The following TCERG1 variants were observed in gnomAD, a reference collection of about 807,000 sequenced individuals.
The protein encoded by TCERG1 is transcription elongation regulator 1, also known as TATA box binding protein (TBP)-associated factor, RNA polymerase II, S, 150kD.
TCERG1 carries 37 observed loss-of-function variants against 144.7 expected under a neutral mutation model. That is an observed-to-expected ratio of 0.26 (90% CI 0.20 to 0.34). The LOEUF (loss-of-function observed/expected upper bound fraction) is 0.34. TCERG1 is among the 10% of genes least tolerant of loss of function. The pLI, the probability that TCERG1 is intolerant of heterozygous loss-of-function variation, is 1.00. For synonymous variants in TCERG1, 492 were observed against 458.2 expected, an observed-to-expected ratio of 1.07 and a Z score of -0.94; for missense variants, 1,027 against 1,380.7, an observed-to-expected ratio of 0.74 and a Z score of 4.06.
chr5:146,504,173 A>C (rs1767732924), intron 19 of TCERG1, 167 bp downstream of exon 19: 1 of 628,104 alleles, frequency 1.6e-6, no homozygotes, highest in Admixed American at 4.3e-5. Context: ...TAGTATAGGA[A>C]AAAACCCAAG....
intron 19 of TCERG1, 133 bp from the exon 20 acceptor site, chr5:146,506,895 T>C: frequency 1.1e-5 from 7 of 630,252 alleles, no homozygotes; most frequent in Non-Finnish European, 1.8e-5. Flanking sequence ...TCTTTATCCA[T>C]GTATCTGTTG....
At chr5:146,485,776 C>A (rs914989376) in intron 15 of TCERG1, among the ~76,000 whole-genome samples, 1 of 152,160 alleles carries the variant, frequency 6.6e-6, no homozygotes, top group Non-Finnish European at 1.5e-5. Flanking sequence ...TTACTGCAGC[C>A]TCTGCCTCTC....
At chr5:146,509,355 A>T in intron 22 of TCERG1, 110 bp downstream of exon 22, 1 of 705,896 alleles carries the variant, frequency 1.4e-6, no homozygotes, top group Non-Finnish European at 2.3e-6. Flanking sequence ...ATTAATTTTT[A>T]GGGATAAGAA....
At chr5:146,448,881 G>A (rs1186503503) in intron 1 of TCERG1, among the ~76,000 whole-genome samples, 1 of 152,052 alleles carries the variant, frequency 6.6e-6, no homozygotes, top group Non-Finnish European at 1.5e-5. Context: ...GGATTTATTA[G>A]GGAACATTCT....
At chr5:146,461,691 A>G (rs1008988810) in intron 4 of TCERG1, among the ~76,000 whole-genome samples, 1 of 152,158 alleles carries the variant, frequency 6.6e-6, no homozygotes, top group African/African-American at 2.4e-5. Flanking sequence ...TTTGGATCAC[A>G]ATTTTAGCAA....
At chr5:146,458,212 G>A (rs1321771046) in intron 3 of TCERG1, among the ~76,000 whole-genome samples, 1 of 151,338 alleles carries the variant, frequency 6.6e-6, no homozygotes, top group African/African-American at 2.4e-5. Context: ...GTCTCGTGCT[G>A]TCACCCAGCC....
chr5:146,474,763 A>C (rs1459403255), intron 9 of TCERG1, among the ~76,000 whole-genome samples: 2 of 152,240 alleles, frequency 1.3e-5, no homozygotes, highest in Non-Finnish European at 2.9e-5. Context: ...GAAAGCTCAG[A>C]TGATAGCATT....
At chr5:146,491,600 G>T (rs1190867967) in intron 15 of TCERG1, among the ~76,000 whole-genome samples, 11 of 152,146 alleles carry the variant, frequency 7.2e-5, no homozygotes, top group Non-Finnish European at 2.9e-5. Flanking sequence ...AGATCTCTCT[G>T]CTTCGGATCT....
chr5:146,479,533 T>C (rs1425912293), intron 10 of TCERG1, among the ~76,000 whole-genome samples: 1 of 152,186 alleles, frequency 6.6e-6, no homozygotes, highest in African/African-American at 2.4e-5. Context: ...TTTTCGTGAA[T>C]TTGTTTTTAA....
At position 146,478,637 on chromosome 5, in the gene TCERG1, G is replaced by A. The variant is rs1258642107; in HGVS notation, c.1746G>A (p.Glu582=). ...AGCCCCCTCATAAAAAAGGAATGGA[G>A]GAATTGAAGAAACTAAGTAAGTTTT... ...IQEPPHKKGM[E]ELKKLRHPTP... is the part of the protein sequence containing the mutation. The change falls in exon 10 of 23, where the codon GAG becomes GAA. Residue 582 remains glutamate, a synonymous_variant. Transcript: ENST00000679501. 1.9e-6 allele frequency: 3 copies of A among 1,586,050 alleles called. No individual in the cohort carries two copies. The highest frequency in any genetic ancestry group is 2.6e-6 in the Non-Finnish European group (3 of 1,171,666).
In TCERG1 at chr5:146,510,804, T is replaced by C; in HGVS notation, c.*162T>C. The C allele has an allele frequency of 1.7e-6, 1 of 583,168 alleles. No homozygotes were observed. 36.1% of individuals were successfully genotyped at this position (583,168 alleles called of 1,614,324 possible). ...TTCTGAACAGAACACTTTGGAAATA[T>C]TTATGCTTTTCTTTGTGTGGCATGA... is the stretch of plus-strand genomic sequence containing the variant. On this transcript the variant is annotated 3_prime_UTR_variant, in exon 23 of 23. Coordinates refer to ENST00000679501, the MANE Select transcript of TCERG1 (RefSeq NM_001382548.1).
At position 146,510,409 on chromosome 5, in the gene TCERG1, A is replaced by G. The variant is rs779520712; in HGVS notation, c.3147-32A>G. The G allele has an allele frequency of 2.0e-6, 3 of 1,514,360 alleles. No homozygotes were observed. In the Admixed American group the frequency reaches 5.0e-5, roughly 25 times the overall value. 93.8% of individuals were successfully genotyped at this position (1,514,360 alleles called of 1,614,324 possible). ...TCTGAAAGACCTGTGAACAGCAGTCAGTAATTCTTGGACTTCTTTTTCTTA... is the reference window on the plus strand; with the variant it reads ...TCTGAAAGACCTGTGAACAGCAGTCGGTAATTCTTGGACTTCTTTTTCTTA... On this transcript the variant is annotated intron_variant, in intron 22 of 22. Transcript: ENST00000679501.
intron 1 of TCERG1, among the ~76,000 whole-genome samples, chr5:146,451,511 G>A (rs1316334764): frequency 6.6e-6 from 1 of 151,330 alleles, no homozygotes; most frequent in Admixed American, 6.6e-5. Context: ...TTAGTAGAGT[G>A]GGGGTTTCAC....
Position 146,507,944 on chromosome 5 carries a change from C to A in TCERG1, c.3033C>A (p.Ser1011=), listed in dbSNP as rs138851387. 1.4e-5 allele frequency: 22 copies of A among 1,605,622 alleles called. No homozygotes were observed. The highest frequency in any genetic ancestry group is 1.8e-5 in the Non-Finnish European group (21 of 1,175,858). The part of the protein sequence containing the change: ...IKEDPRCIKF[S]SSDRKKQREF... ...AAGATCCTCGATGTATTAAGTTCTC[C>A]TCCAGTGACAGGGTAAGAGGATTTT... The change falls in exon 21 of 23, where the codon TCC becomes TCA. Residue 1011 remains serine (S), a synonymous_variant. Coordinates refer to ENST00000679501, the MANE Select transcript of TCERG1 (RefSeq NM_001382548.1). This position sits in a 1 kb window ranked among gnomAD's most constrained non-coding sequence, Gnocchi z 4.6.
chr5:146,495,287 A>G (rs1020568921), intron 16 of TCERG1, among the ~76,000 whole-genome samples: 6 of 152,198 alleles, frequency 3.9e-5, no homozygotes, highest in Non-Finnish European at 7.4e-5. Flanking sequence ...AAAAATCTGA[A>G]TTGAATGTCT....
intron 15 of TCERG1, among the ~76,000 whole-genome samples, chr5:146,486,601 T>A (rs1423273519): frequency 2.0e-5 from 3 of 152,206 alleles, no homozygotes; most frequent in Non-Finnish European, 4.4e-5. Context: ...AAGACAAGGA[T>A]ACCCACTTTC....
chr5:146,501,149 A>T (rs115342595), intron 17 of TCERG1, among the ~76,000 whole-genome samples: 2,776 of 152,278 alleles, frequency 0.018, 87 homozygotes, highest in African/African-American at 0.063. Context: ...AGCACATTTG[A>T]GGTTGTATGT....
rs551335650 is a variant in TCERG1 at position 146,454,641 on chromosome 5, A to G, written c.60-415A>G. ...GAGATGGAGCCTTGCTCTGTTGCCC[A>G]GGCAGGAGTGCAGTGGCTTGATCTT... On this transcript the variant is annotated intron_variant, in intron 1 of 22. Coordinates refer to ENST00000679501, the MANE Select transcript of TCERG1 (RefSeq NM_001382548.1). Among the ~76,000 whole-genome samples the G allele has an allele frequency of 8.9e-4, 135 of 152,016 alleles. 1 individual carries two copies. The highest frequency in any genetic ancestry group is 3.2e-3 in the African/African-American group (131 of 41,420).
chr5:146,510,336 A>G (rs1206277418), intron 22 of TCERG1, 105 bp from the exon 23 acceptor site: 4 of 940,558 alleles, frequency 4.3e-6, no homozygotes, highest in East Asian at 5.4e-5. Context: ...AAAAAAAAAA[A>G]AAAAATGGAA....
Sources: allele counts gnomAD v4.1 joint callset (sites outside exome capture counted in the v4.1 genomes callset), GRCh38; gene constraint gnomAD v4.1.1; non-coding constraint Gnocchi (gnomAD v3.1); transcripts MANE v1.5; gene names NCBI Gene and HGNC (gene_info 2026-07-23, HGNC 2026-07-21).